ZNF26: variants seen among roughly 807,000 people sequenced by gnomAD.
ZNF26 encodes the protein zinc finger protein 26.
Under a neutral mutation model 54.9 loss-of-function variants are expected in ZNF26, and 32 were observed. The ratio of observed to expected loss-of-function variants is 0.58; its 90% CI spans 0.44 to 0.78. ZNF26 has a LOEUF of 0.78. Ranked by LOEUF, ZNF26 falls within the 30% of genes least tolerant of loss-of-function variation. The probability of loss-of-function intolerance (pLI) is 0.00; values close to 1 mark genes in which losing one functional copy is unlikely to be tolerated. For synonymous variants in ZNF26, 221 were observed against 209.2 expected (o/e 1.06, Z -0.49); for missense variants, 524 against 634.0 (o/e 0.83, Z 1.86).
chr12:133,000,451 A>G (rs1311115623), intron 1 of ZNF26, among the ~76,000 whole-genome samples: 7 of 114,724 alleles, frequency 6.1e-5, no homozygotes, highest in African/African-American at 2.3e-4. Flanking sequence ...TTGAGATGGA[A>G]TCTCGCTCTG....
chr12:133,000,217 A>G (rs1047936728), intron 1 of ZNF26, among the ~76,000 whole-genome samples: 2 of 151,880 alleles, frequency 1.3e-5, no homozygotes, highest in African/African-American at 2.4e-5. Context: ...TCAAAATTTT[A>G]ACAGTTATTT....
At chr12:132,994,542 A>T (rs1195623221) in intron 1 of ZNF26, among the ~76,000 whole-genome samples, 2 of 152,066 alleles carry the variant, frequency 1.3e-5, no homozygotes, top group Non-Finnish European at 2.9e-5. Flanking sequence ...AGTTTGATAG[A>T]TATTCTTCTA....
rs1184203570 is a variant in ZNF26 at position 133,024,835 on chromosome 12, G to A, written c.*13354G>A. The A allele has an allele frequency of 2.6e-5, 4 of 152,020 alleles. No homozygotes were observed. Among genetic ancestry groups the A allele is most frequent in the African/African-American group, 7.2e-5 (3 of 41,392 alleles). 9.4% of individuals were successfully genotyped at this position (152,020 alleles called of 1,614,324 possible). A position where few individuals can be genotyped will look rare whatever the true frequency, so the allele number is the denominator to read the frequency against. ...GAGAAAGTCTTATTAAGAGATTTTT[G>A]GGGTGTGGCTTTTGTCTAATGGAAT... On this transcript the variant is annotated 3_prime_UTR_variant, in exon 4 of 4. Coordinates refer to ENST00000328654, the MANE Select transcript of ZNF26 (RefSeq NM_019591.4).
In ZNF26 at chr12:133,027,021, CT is replaced by C. The variant is rs1447383184; in HGVS notation, c.*15545del. ...AGAAACTCAGAATAAAATGCAACAC[CT>C]TTTTACGATTATAAACCCCTCAGCA... On this transcript the variant is annotated 3_prime_UTR_variant, in exon 4 of 4. Transcript: ENST00000328654. 1 of 151,824 alleles carries C rather than the reference CT, an allele frequency of 6.6e-6. No homozygotes were observed. The highest frequency in any genetic ancestry group is 2.4e-5 in the African/African-American group (1 of 41,318). The allele number at this position is 151,824 out of a possible 1,614,324, so 9.4% of individuals were successfully genotyped here.
intron 3 of ZNF26, among the ~76,000 whole-genome samples, chr12:133,009,934 AG>A (rs1186924484): frequency 2.0e-5 from 3 of 152,152 alleles, no homozygotes; most frequent in African/African-American, 7.2e-5. Flanking sequence ...ATTTGCTACC[AG>A]TTTTCACGAC....
At chr12:133,006,140 T>C in intron 1 of ZNF26, 1 of 985,330 alleles carries the variant, frequency 1.0e-6, no homozygotes, top group South Asian at 4.7e-5. Context: ...CACTCTTTGC[T>C]GTTGCTTAGA....
intron 1 of ZNF26, among the ~76,000 whole-genome samples, chr12:132,989,269 C>G (rs1381758438): frequency 6.6e-5 from 10 of 151,964 alleles, no homozygotes; most frequent in African/African-American, 2.4e-4. Flanking sequence ...ATCTCCTGAC[C>G]TCGTGATCAG....
rs1191717784 is a variant in ZNF26 at position 133,012,557 on chromosome 12, C to G, written c.*1076C>G. On this transcript the variant is annotated 3_prime_UTR_variant, in exon 4 of 4. Transcript: ENST00000328654. ...TTTCCTCACTTCTCAATAAAAATGTCTTTTGCTTTTTGTTGTTTGGGTTTT... is the reference window on the plus strand; with the variant it reads ...TTTCCTCACTTCTCAATAAAAATGTGTTTTGCTTTTTGTTGTTTGGGTTTT... 3.1e-4 allele frequency: 11 copies of G among 35,110 alleles called. No homozygotes were observed. The highest frequency in any genetic ancestry group is 6.1e-4 in the Non-Finnish European group (9 of 14,874). 2.2% of individuals were successfully genotyped at this position (35,110 alleles called of 1,614,324 possible).
intron 1 of ZNF26, among the ~76,000 whole-genome samples, chr12:132,992,062 C>T (rs1029508316): frequency 2.0e-5 from 3 of 151,662 alleles, no homozygotes; most frequent in Non-Finnish European, 2.9e-5. Flanking sequence ...GTATGAGAAT[C>T]GCTTGAACCC....
intron 1 of ZNF26, among the ~76,000 whole-genome samples, chr12:133,002,437 C>T (rs1385611523): frequency 6.6e-5 from 10 of 152,100 alleles, no homozygotes; most frequent in Non-Finnish European, 1.0e-4. Flanking sequence ...CCCTCTTCCA[C>T]AGCAGTCAGG....
chr12:133,011,621 G>A lies in ZNF26; in HGVS notation c.*140G>A. 1 of 750,976 alleles carries A rather than the reference G, an allele frequency of 1.3e-6. No individual in the cohort carries two copies. The highest frequency in any genetic ancestry group is 1.9e-6 in the Non-Finnish European group (1 of 515,248). 46.5% of individuals were successfully genotyped at this position (750,976 alleles called of 1,614,324 possible). On this transcript the variant is annotated 3_prime_UTR_variant, in exon 4 of 4. Transcript: ENST00000328654. ...GAGAGACCAACCATATTTGGGATGA[G>A]TGTAAAAGCTTTCAGAAATAAGTTA...
rs1680257478 is a variant in ZNF26, at chr12:133,023,667, C to T, written c.*12186C>T. ...ATGACAGTAGCTTCCATCTCATCTCCTCTTCTACAGTGTGATCTTGCCACT... is the reference window on the plus strand; with the variant it reads ...ATGACAGTAGCTTCCATCTCATCTCTTCTTCTACAGTGTGATCTTGCCACT... On this transcript the variant is annotated 3_prime_UTR_variant, in exon 4 of 4. Transcript: ENST00000328654. The T allele has an allele frequency of 2.6e-5, 4 of 152,198 alleles. No homozygotes were observed. The highest frequency in any genetic ancestry group is 9.6e-5 in the African/African-American group (4 of 41,452). The allele number at this position is 152,198 out of a possible 1,614,324, so 9.4% of individuals were successfully genotyped here. A position where few individuals can be genotyped will look rare whatever the true frequency, so the allele number is the denominator to read the frequency against.
rs1306454741 is a variant in ZNF26 at position 133,023,501 on chromosome 12, A to G, written c.*12020A>G. ...TAGAAGAAAAAATAAATACAGGTCA[A>G]TCTAATATATGAAAATTTTCTGAGT... On this transcript the variant is annotated 3_prime_UTR_variant, in exon 4 of 4. Coordinates refer to ENST00000328654, the MANE Select transcript of ZNF26 (RefSeq NM_019591.4). 2.6e-5 allele frequency: 4 copies of G among 152,226 alleles called. No homozygotes were observed. Among genetic ancestry groups the G allele is most frequent in the Admixed American group, 2.6e-4 (4 of 15,266 alleles). The allele number at this position is 152,226 out of a possible 1,614,324, so 9.4% of individuals were successfully genotyped here. A position where few individuals can be genotyped will look rare whatever the true frequency, so the allele number is the denominator to read the frequency against.
At position 133,017,980 on chromosome 12, in the gene ZNF26, G is replaced by GCCT. The variant is rs1343225508; in HGVS notation, c.*6500_*6502dup. 3.3e-5 allele frequency: 5 copies of GCCT among 152,264 alleles called. No homozygotes were observed. Among genetic ancestry groups the GCCT allele is most frequent in the African/African-American group, 1.2e-4 (5 of 41,460 alleles). 9.4% of individuals were successfully genotyped at this position (152,264 alleles called of 1,614,324 possible). A position where few individuals can be genotyped will look rare whatever the true frequency, so the allele number is the denominator to read the frequency against. On this transcript the variant is annotated 3_prime_UTR_variant, in exon 4 of 4. Coordinates refer to ENST00000328654, the MANE Select transcript of ZNF26 (RefSeq NM_019591.4). ...GCCGAGATCACGCCACCGCACTTCA[G>GCCT]CCTGGGCAACAGAGTGAGACTCCGT...
chr12:133,018,302 A>G lies in ZNF26; in HGVS notation c.*6821A>G, dbSNP rs1404159322. The G allele has an allele frequency of 2.0e-5, 3 of 152,208 alleles. No individual in the cohort carries two copies. Among genetic ancestry groups the G allele is most frequent in the African/African-American group, 7.2e-5 (3 of 41,460 alleles). The allele number at this position is 152,208 out of a possible 1,614,324, so 9.4% of individuals were successfully genotyped here. A position where few individuals can be genotyped will look rare whatever the true frequency, so the allele number is the denominator to read the frequency against. The stretch of plus-strand genomic sequence containing the variant: ...AATATATAAAGCAATATTTATAGCA[A>G]TGTGTTGTTGCATTTGTAACATAGA... On this transcript the variant is annotated 3_prime_UTR_variant, in exon 4 of 4. Transcript: ENST00000328654.
chr12:133,006,886 C>A, intron 1 of ZNF26, 156 bp from the exon 2 acceptor site: 1 of 1,030,958 alleles, frequency 9.7e-7, no homozygotes, highest in Non-Finnish European at 1.4e-6. Context: ...GCCTGGCACT[C>A]CTTGATTGAT....
In ZNF26 at chr12:133,019,227, G is replaced by A. The variant is rs1315651118; in HGVS notation, c.*7746G>A. On this transcript the variant is annotated 3_prime_UTR_variant, in exon 4 of 4. Transcript: ENST00000328654. ...AGCTGGGAAGCTTCCATACTGCCGA[G>A]GAAATAACAAAATAAAGAGACAACC... 1 of 152,048 alleles carries A rather than the reference G, an allele frequency of 6.6e-6. No individual in the cohort carries two copies. The highest frequency in any genetic ancestry group is 1.5e-5 in the Non-Finnish European group (1 of 68,018). 9.4% of individuals were successfully genotyped at this position (152,048 alleles called of 1,614,324 possible).
At position 133,006,930 on chromosome 12, in the gene ZNF26, G is replaced by A. The variant is rs115760445; in HGVS notation, c.34-112G>A. On this transcript the variant is annotated intron_variant, in intron 1 of 3. Transcript: ENST00000328654. ...CTCTCACAAAGTAAATGCTGAACCAGCCACAGGAAATAGTTGGTAGAGGAA... is the reference window on the plus strand; with the variant it reads ...CTCTCACAAAGTAAATGCTGAACCAACCACAGGAAATAGTTGGTAGAGGAA... 5.3e-3 allele frequency: 7,014 copies of A among 1,313,674 alleles called. 258 individuals carry two copies. In the African/African-American group the frequency reaches 0.084, roughly 16 times the overall value. 81.4% of individuals were successfully genotyped at this position (1,313,674 alleles called of 1,614,324 possible). A position where few individuals can be genotyped will look rare whatever the true frequency, so the allele number is the denominator to read the frequency against.
rs1244880890 is a variant in ZNF26 at position 133,011,310 on chromosome 12, G to C, written c.1431G>C (p.Ser477=). 1 of 1,611,102 alleles carries C rather than the reference G, an allele frequency of 6.2e-7. No individual in the cohort carries two copies. Among genetic ancestry groups the C allele is most frequent in the Admixed American group, 1.7e-5 (1 of 59,570 alleles). Residue 477 remains serine (S), a synonymous_variant, in exon 4 of 4, where the codon TCG becomes TCC. Transcript: ENST00000328654. Reference sequence around the variant, plus strand: ...TTCAGATACACCAGAAAACTCATTCGGGAGAGAAACCTTTTAAATGCAGTG... The same window carrying C: ...TTCAGATACACCAGAAAACTCATTCCGGAGAGAAACCTTTTAAATGCAGTG... ...ASLQIHQKTH[S]GEKPFKCSEC... is the part of the protein sequence containing the mutation.
Sources: allele counts gnomAD v4.1 joint callset (sites outside exome capture counted in the v4.1 genomes callset), GRCh38; gene constraint gnomAD v4.1.1; transcripts MANE v1.5; gene names NCBI Gene and HGNC (gene_info 2026-07-23, HGNC 2026-07-21).